TDRD3: variants seen among roughly 807,000 people sequenced by gnomAD.
The protein encoded by TDRD3 is tudor domain-containing protein 3.
A neutral mutation model predicts 86.7 loss-of-function variants in TDRD3; 45 were observed. The ratio of observed to expected loss-of-function variants is 0.52; its 90% confidence interval spans 0.41 to 0.67. The LOEUF (loss-of-function observed/expected upper bound fraction) is 0.67. TDRD3 is among the 30% of genes least tolerant of loss of function. TDRD3 has a pLI of 0.00. For missense variants in TDRD3, 814 were observed against 889.0 expected (o/e 0.92, Z 1.07); for synonymous variants, 298 against 301.7 (o/e 0.99, Z 0.13).
intron 4 of TDRD3, among the ~76,000 whole-genome samples, chr13:60,463,688 TA>T (rs1271585746): frequency 6.6e-6 from 1 of 151,778 alleles, no homozygotes; most frequent in African/African-American, 2.4e-5. Context: ...AAAATCCAAT[TA>T]AAAATTGATA....
chr13:60,425,467 A>G (rs561631524), intron 1 of TDRD3, among the ~76,000 whole-genome samples: 1 of 152,324 alleles, frequency 6.6e-6, no homozygotes, highest in South Asian at 2.1e-4. Flanking sequence ...TAAAGAAATT[A>G]AAAATAGAAC....
intron 6 of TDRD3, among the ~76,000 whole-genome samples, chr13:60,485,095 A>G (rs1566232802): frequency 1.3e-5 from 2 of 152,138 alleles, no homozygotes; most frequent in Non-Finnish European, 2.9e-5. Flanking sequence ...TGGTGTCAAT[A>G]TGATATGTTT....
intron 12 of TDRD3, among the ~76,000 whole-genome samples, chr13:60,561,016 G>C (rs778175784): frequency 5.3e-5 from 8 of 152,114 alleles, no homozygotes; most frequent in Non-Finnish European, 8.8e-5. Flanking sequence ...GATTATCTTA[G>C]AGCTGCTCTG....
At chr13:60,490,793 G>A (rs932761390) in intron 7 of TDRD3, among the ~76,000 whole-genome samples, 1 of 152,108 alleles carries the variant, frequency 6.6e-6, no homozygotes, top group African/African-American at 2.4e-5. Flanking sequence ...TACTGAGATT[G>A]GATATAGGGT....
chr13:60,543,178 T>C (rs926221131), intron 12 of TDRD3, among the ~76,000 whole-genome samples: 3 of 152,228 alleles, frequency 2.0e-5, no homozygotes, highest in Non-Finnish European at 2.9e-5. Flanking sequence ...AAAACTCATA[T>C]AGTTTAATAA....
intron 1 of TDRD3, among the ~76,000 whole-genome samples, chr13:60,405,316 T>G (rs950758030): frequency 2.0e-5 from 3 of 152,116 alleles, no homozygotes; most frequent in African/African-American, 7.2e-5. Context: ...ACTTTCTTAG[T>G]ATAGTCAGAT....
chr13:60,480,827 C>T (rs925635578), intron 5 of TDRD3, among the ~76,000 whole-genome samples: 1 of 151,608 alleles, frequency 6.6e-6, no homozygotes, highest in Non-Finnish European at 1.5e-5. Flanking sequence ...GTGCTGCAAG[C>T]GAGGGGGCCA....
At chr13:60,424,709 G>A (rs1954757265) in intron 1 of TDRD3, among the ~76,000 whole-genome samples, 1 of 152,118 alleles carries the variant, frequency 6.6e-6, no homozygotes. Context: ...ATATCATTCA[G>A]TAGCTTTTCG....
At chr13:60,412,087 C>T (rs1239736606) in intron 1 of TDRD3, among the ~76,000 whole-genome samples, 7 of 152,160 alleles carry the variant, frequency 4.6e-5, no homozygotes, top group African/African-American at 1.7e-4. Flanking sequence ...CTCAGTGACT[C>T]TCAAACAAAC....
Position 60,494,667 on chromosome 13 carries a change from T to A in TDRD3, c.858+92T>A. The A allele has an allele frequency of 8.2e-6, 10 of 1,223,478 alleles. No homozygotes were observed. In the South Asian group the frequency reaches 1.3e-4, roughly 15 times the overall value. The allele number at this position is 1,223,478 out of a possible 1,614,324, so 75.8% of individuals were successfully genotyped here. A position where few individuals can be genotyped will look rare whatever the true frequency, so the allele number is the denominator to read the frequency against. Reference sequence around the variant, plus strand: ...TACCACCACCACTGGCTTTGTGCAATGTATTATGGATAGATGTTATAACTC... The same window carrying A: ...TACCACCACCACTGGCTTTGTGCAAAGTATTATGGATAGATGTTATAACTC... On this transcript the variant is annotated intron_variant, in intron 8 of 13. Coordinates refer to ENST00000377881, the MANE Select transcript of TDRD3 (RefSeq NM_001146070.2).
intron 12 of TDRD3, among the ~76,000 whole-genome samples, chr13:60,549,126 G>A (rs1957992232): frequency 6.6e-6 from 1 of 152,078 alleles, no homozygotes; most frequent in Non-Finnish European, 1.5e-5. Context: ...AGACACTCAA[G>A]GTAGTGGTGG....
At chr13:60,444,648 A>C in intron 2 of TDRD3, 35 bp from the exon 3 acceptor site, 1 of 1,159,562 alleles carries the variant, frequency 8.6e-7, no homozygotes, top group Non-Finnish European at 1.2e-6. Flanking sequence ...ACTCTTTTCT[A>C]TAATTCCATT....
Position 60,569,889 on chromosome 13 carries a change from T to C in TDRD3, c.*9+2239T>C, listed in dbSNP as rs111721144. Among the ~76,000 whole-genome samples, 45 of 152,278 alleles carry C rather than the reference T, an allele frequency of 3.0e-4. 1 individual carries two copies. Among genetic ancestry groups the C allele is most frequent in the African/African-American group, 1.1e-3 (44 of 41,566 alleles). On this transcript the variant is annotated intron_variant, in intron 13 of 13. Coordinates refer to ENST00000377881, the MANE Select transcript of TDRD3 (RefSeq NM_001146070.2). ...CCGTATATGGATGAATGAAACTAGA[T>C]TCCTACTCTCATCATAAGCAAAAAT...
At chr13:60,471,029 G>T (rs1956066600) in intron 5 of TDRD3, among the ~76,000 whole-genome samples, 1 of 152,030 alleles carries the variant, frequency 6.6e-6, no homozygotes, top group Admixed American at 6.6e-5. Flanking sequence ...TGTTGTTGTT[G>T]TTATTGTATG....
chr13:60,448,970 T>C (rs2138000744), intron 3 of TDRD3, among the ~76,000 whole-genome samples: 1 of 152,278 alleles, frequency 6.6e-6, no homozygotes, highest in South Asian at 2.1e-4. Flanking sequence ...TCTGTGTTTA[T>C]TTTTTCTAAG....
At chr13:60,508,936 C>T (rs776517421) in intron 8 of TDRD3, among the ~76,000 whole-genome samples, 5 of 152,152 alleles carry the variant, frequency 3.3e-5, no homozygotes, top group Non-Finnish European at 5.9e-5. Context: ...ATAGAAACCA[C>T]ACCTCAAATA....
rs114307223 is a variant in TDRD3, at chr13:60,488,920, G to A, written c.717+2972G>A. ...TTTTGTTTAGTTTTGTTTTGCTTTT[G>A]AATTGTTATGTTCCTTATATATTCT... On this transcript the variant is annotated intron_variant, in intron 7 of 13. Coordinates refer to ENST00000377881, the MANE Select transcript of TDRD3 (RefSeq NM_001146070.2). Among the ~76,000 whole-genome samples the A allele has an allele frequency of 3.2e-4, 48 of 152,002 alleles. 1 individual carries two copies. The highest frequency in any genetic ancestry group is 1.1e-3 in the African/African-American group (47 of 41,492).
At chr13:60,406,516 T>G (rs1954238424) in intron 1 of TDRD3, among the ~76,000 whole-genome samples, 1 of 152,242 alleles carries the variant, frequency 6.6e-6, no homozygotes, top group Non-Finnish European at 1.5e-5. Context: ...GTGGACATTA[T>G]ATTTGTTGGA....
At chr13:60,552,816 G>T (rs957833696) in intron 12 of TDRD3, among the ~76,000 whole-genome samples, 1 of 152,228 alleles carries the variant, frequency 6.6e-6, no homozygotes, top group African/African-American at 2.4e-5. Flanking sequence ...TAAGGCTTGG[G>T]TCTTGCACCC....
Sources: gnomAD v4.1 joint callset for allele counts (sites outside exome capture counted in the v4.1 genomes callset) on GRCh38, gnomAD v4.1.1 for gene constraint, MANE v1.5 for transcripts, NCBI Gene and HGNC (gene_info 2026-07-23, HGNC 2026-07-21) for gene names.